Variants in RBFOX1 observed in about 807,000 individuals in gnomAD.
RBFOX1 encodes the protein RNA binding protein fox-1 homolog 1.
RBFOX1 carries 8 observed loss-of-function variants against 57.7 expected under a neutral mutation model. The ratio of observed to expected loss-of-function variants is 0.14; its 90% CI spans 0.08 to 0.25. The LOEUF is 0.25. RBFOX1 is among the 10% of genes least tolerant of loss of function. The pLI is 1.00. For missense variants in RBFOX1, 611 were observed against 548.5 expected (o/e 1.11, Z -1.14); for synonymous variants, 326 against 222.4 (o/e 1.47, Z -4.15).
At chr16:7,565,443 C>T (rs12449121) in intron 5 of RBFOX1, among the ~76,000 whole-genome samples, 114,021 of 152,102 alleles carry the variant, frequency 0.75, 44,126 homozygotes, top group Non-Finnish European at 0.86. Context: ...TCTGAGCTTA[C>T]AGTACAATGT....
intron 4 of RBFOX1, among the ~76,000 whole-genome samples, chr16:7,114,306 AAAAT>A (rs2151650080): frequency 6.6e-6 from 1 of 152,292 alleles, no homozygotes; most frequent in African/African-American, 2.4e-5. Context: ...TGCAATGAAA[AAAAT>A]ATGAATACCT....
chr16:5,521,446 C>T (rs1397180595), intron 2 of RBFOX1, among the ~76,000 whole-genome samples: 3 of 152,142 alleles, frequency 2.0e-5, no homozygotes, highest in Non-Finnish European at 4.4e-5. Flanking sequence ...TCTTAGAAGG[C>T]TGTGGCACAT....
intron 4 of RBFOX1, among the ~76,000 whole-genome samples, chr16:7,485,123 G>C (rs1567435084): frequency 6.6e-6 from 1 of 151,846 alleles, no homozygotes; most frequent in Non-Finnish European, 1.5e-5. Context: ...TATTCCCTCA[G>C]GTAGGAAGTT....
At chr16:7,304,142 AGGGAGGAGGGACCGGC>A in intron 4 of RBFOX1, 1 of 877,742 alleles carries the variant, frequency 1.1e-6, no homozygotes, top group Non-Finnish European at 1.4e-6. Flanking sequence ...GGGGAGAGCC[AGGGAGGAGGGACCGGC>A]GGGGTGCGGT....
intron 3 of RBFOX1, among the ~76,000 whole-genome samples, chr16:5,630,413 C>T (rs545520832): frequency 1.2e-4 from 18 of 152,034 alleles, no homozygotes; most frequent in Admixed American, 2.6e-4. Flanking sequence ...GCCAAGACCA[C>T]GCTATTGCAC....
rs28753673 is a variant in RBFOX1 at position 7,240,208 on chromosome 16, C to T, written c.27+188110C>T. ...TCTTGAACTCCTGACCTCAGGTGATCCTCCCGCCTCGGCCTCCCAAACTGC... is the reference window on the plus strand; with the variant it reads ...TCTTGAACTCCTGACCTCAGGTGATTCTCCCGCCTCGGCCTCCCAAACTGC... On this transcript the variant is annotated intron_variant, in intron 4 of 15. Transcript: ENST00000550418. Among the ~76,000 whole-genome samples, 556 of 152,244 alleles carry T rather than the reference C, an allele frequency of 3.7e-3. 5 individuals are homozygous for T. Among genetic ancestry groups the T allele is most frequent in the African/African-American group, 0.013 (533 of 41,542 alleles).
At chr16:6,326,915 G>A (rs777648808) in intron 2 of RBFOX1, among the ~76,000 whole-genome samples, 3 of 152,176 alleles carry the variant, frequency 2.0e-5, no homozygotes, top group Non-Finnish European at 4.4e-5. Flanking sequence ...TGCATGCAAA[G>A]CTGGGCTCTC....
At chr16:7,094,269 A>G (rs893364985) in intron 4 of RBFOX1, among the ~76,000 whole-genome samples, 7 of 152,248 alleles carry the variant, frequency 4.6e-5, no homozygotes, top group Non-Finnish European at 7.4e-5. Context: ...TTGATATTCA[A>G]TACCAACAAG....
At chr16:6,772,418 G>C (rs551851100) in intron 3 of RBFOX1, among the ~76,000 whole-genome samples, 4 of 144,142 alleles carry the variant, frequency 2.8e-5, no homozygotes, top group Admixed American at 6.8e-5. Context: ...TTGTGTGTGC[G>C]CACGTGCGTG....
Position 6,630,028 on chromosome 16 carries a change from C to G in RBFOX1, c.-63-24575C>G, listed in dbSNP as rs1435030585. Among the ~76,000 whole-genome samples, 3 of 150,820 alleles carry G rather than the reference C, an allele frequency of 2.0e-5. No homozygotes were observed. In the East Asian group the frequency reaches 5.9e-4, roughly 30 times the overall value. On this transcript the variant is annotated intron_variant, in intron 2 of 15. Transcript: ENST00000550418. ...GGAGAAAAATGGAAAGATTAAACCC[C>G]TTAGTGTCATCTGCCTGAAAAATCC...
At chr16:5,404,156 A>G (rs907202420) in intron 1 of RBFOX1, among the ~76,000 whole-genome samples, 3 of 150,862 alleles carry the variant, frequency 2.0e-5, no homozygotes, top group African/African-American at 7.3e-5. Context: ...GGGTGAGGAG[A>G]TATGGGGGTG....
chr16:6,497,575 A>C (rs2095806062), intron 2 of RBFOX1, among the ~76,000 whole-genome samples: 3 of 149,452 alleles, frequency 2.0e-5, no homozygotes, highest in South Asian at 4.3e-4. Flanking sequence ...AAAAAAAAAA[A>C]AACAGAGTTT....
rs576794308 is a variant in RBFOX1 at position 6,907,870 on chromosome 16, G to A, written c.-15-144187G>A. Among the ~76,000 whole-genome samples the A allele has an allele frequency of 7.9e-5, 12 of 151,664 alleles. 1 individual carries two copies. The highest frequency in any genetic ancestry group is 3.9e-4 in the East Asian group (2 of 5,152). On this transcript the variant is annotated intron_variant, in intron 3 of 15. Transcript: ENST00000550418. ...ATTACAGGCATGAGCCCCCATGCCCGGCCAGCTTCTGTGGTTGGCTGGCAG... is the reference window on the plus strand; with the variant it reads ...ATTACAGGCATGAGCCCCCATGCCCAGCCAGCTTCTGTGGTTGGCTGGCAG...
chr16:6,929,163 A>G (rs2131223), intron 3 of RBFOX1, among the ~76,000 whole-genome samples: 116,568 of 151,984 alleles, frequency 0.77, 45,603 homozygotes, highest in African/African-American at 0.94. Flanking sequence ...TGGATACCCT[A>G]CTACCTTCAG....
At chr16:6,725,190 G>A (rs1008389425) in intron 3 of RBFOX1, among the ~76,000 whole-genome samples, 74 of 151,624 alleles carry the variant, frequency 4.9e-4, no homozygotes, top group African/African-American at 1.6e-3. Context: ...AACTGGGACT[G>A]CAGGCACCCG....
intron 2 of RBFOX1, among the ~76,000 whole-genome samples, chr16:6,336,492 C>T (rs1480863741): frequency 6.6e-6 from 1 of 152,066 alleles, no homozygotes; most frequent in Non-Finnish European, 1.5e-5. Context: ...TGAACTTCAG[C>T]ATTCTTCCTA....
chr16:6,685,891 C>T (rs998477026), intron 3 of RBFOX1, among the ~76,000 whole-genome samples: 2 of 152,066 alleles, frequency 1.3e-5, no homozygotes, highest in East Asian at 3.9e-4. Context: ...GACTTCATGT[C>T]CTCTTCCATC....
intron 4 of RBFOX1, among the ~76,000 whole-genome samples, chr16:7,232,175 C>T (rs895142423): frequency 2.0e-5 from 3 of 152,090 alleles, no homozygotes; most frequent in African/African-American, 7.2e-5. Flanking sequence ...AGGTACATAC[C>T]ACCAGGCCCA....
At chr16:7,064,964 C>T (rs1308889158) in intron 4 of RBFOX1, among the ~76,000 whole-genome samples, 2 of 152,154 alleles carry the variant, frequency 1.3e-5, no homozygotes, top group African/African-American at 2.4e-5. Flanking sequence ...GAGATGATGT[C>T]CTTGGCTCCC....
Sources: gnomAD v4.1 joint callset for allele counts (sites outside exome capture counted in the v4.1 genomes callset) on GRCh38, gnomAD v4.1.1 for gene constraint, MANE v1.5 for transcripts, NCBI Gene and HGNC (gene_info 2026-07-23, HGNC 2026-07-21) for gene names.